Variants in AGBL4 observed in about 807,000 individuals in gnomAD.
AGBL4 encodes the protein AGBL carboxypeptidase 4, also known as cytosolic carboxypeptidase 6.
A neutral mutation model predicts 66.4 loss-of-function variants in AGBL4; 58 were observed. The ratio of observed to expected loss-of-function variants is 0.87; its 90% CI spans 0.71 to 1.09. AGBL4 has a LOEUF of 1.09. Among genes scored for constraint, AGBL4 ranks in the 50% least tolerant of loss-of-function variants. The probability of loss-of-function intolerance (pLI) is 0.00; values close to 1 mark genes in which losing one functional copy is unlikely to be tolerated. For synonymous variants in AGBL4, 234 were observed against 222.9 expected (o/e 1.05, Z -0.44); for missense variants, 579 against 631.0 (o/e 0.92, Z 0.88).
chr1:48,525,042 A>G, the AGBL4 span, among the ~76,000 whole-genome samples: 1 of 152,066 alleles, frequency 6.6e-6, no homozygotes, highest in African/African-American at 2.4e-5. Context: ...TGGAGCAGGC[A>G]TCCTCAGTCT....
chr1:49,166,488 G>A (rs1443576296), intron 4 of AGBL4, among the ~76,000 whole-genome samples: 2 of 152,012 alleles, frequency 1.3e-5, no homozygotes, highest in African/African-American at 2.4e-5. Flanking sequence ...ATTTGTAACC[G>A]AGTCTCCCGG....
At chr1:48,528,162 CT>C (rs1478893002), downstream of AGBL4, among the ~76,000 whole-genome samples, 1 of 152,072 alleles carries the variant, frequency 6.6e-6, no homozygotes, top group African/African-American at 2.4e-5. Flanking sequence ...AGCGGTGGAG[CT>C]GAAATTAAAA....
chr1:49,757,233 G>A (rs1166060319), intron 2 of AGBL4, among the ~76,000 whole-genome samples: 1 of 152,050 alleles, frequency 6.6e-6, no homozygotes, highest in Non-Finnish European at 1.5e-5. Flanking sequence ...TATATTTTTT[G>A]AGGCTTCCCA....
At chr1:48,955,210 A>G (rs1194472008) in intron 5 of AGBL4, among the ~76,000 whole-genome samples, 1 of 152,200 alleles carries the variant, frequency 6.6e-6, no homozygotes, top group African/African-American at 2.4e-5. Context: ...GTCCTAGATG[A>G]AAAACGTCTG....
chr1:49,222,813 A>G (rs1461357728), intron 4 of AGBL4, among the ~76,000 whole-genome samples: 1 of 152,242 alleles, frequency 6.6e-6, no homozygotes, highest in Non-Finnish European at 1.5e-5. Flanking sequence ...CATTTAACAA[A>G]GTAACTCATT....
intron 3 of AGBL4, among the ~76,000 whole-genome samples, chr1:49,390,777 C>G (rs1427595635): frequency 1.3e-5 from 2 of 152,168 alleles, no homozygotes; most frequent in Non-Finnish European, 2.9e-5. Context: ...CCACTAGCAA[C>G]TACCTTGACA....
intron 6 of AGBL4, among the ~76,000 whole-genome samples, chr1:48,666,133 T>TA (rs1414662953): frequency 3.9e-5 from 6 of 152,224 alleles, no homozygotes; most frequent in African/African-American, 1.4e-4. Context: ...TAATCATCTT[T>TA]AGGCAAAATG....
chr1:49,033,946 G>C (rs964318016), intron 5 of AGBL4, among the ~76,000 whole-genome samples: 19 of 151,550 alleles, frequency 1.3e-4, no homozygotes, highest in African/African-American at 4.1e-4. Flanking sequence ...CAGGTAAAAG[G>C]CATCCTAGTC....
intron 11 of AGBL4, among the ~76,000 whole-genome samples, chr1:48,579,416 T>G (rs985491709): frequency 1.5e-4 from 23 of 151,350 alleles, no homozygotes; most frequent in African/African-American, 5.6e-4. Flanking sequence ...TTTTGTTGTA[T>G]TTTTAGTACA....
intron 6 of AGBL4, chr1:48,777,069 G>GA (rs1645138877): frequency 2.8e-6 from 1 of 356,842 alleles, no homozygotes; most frequent in Admixed American, 5.0e-5. Context: ...AGGGGCGGAT[G>GA]AGGGGGGTTT....
chr1:49,441,873 T>C (rs1366775847), intron 3 of AGBL4, among the ~76,000 whole-genome samples: 1 of 152,020 alleles, frequency 6.6e-6, no homozygotes, highest in African/African-American at 2.4e-5. Flanking sequence ...AATGGGCCAA[T>C]GAACAAAATG....
At position 48,676,400 on chromosome 1, in the gene AGBL4, C is replaced by T. The variant is rs187080178; in HGVS notation, c.635-13159G>A. 5.3e-5 allele frequency among the ~76,000 whole-genome samples: 8 copies of T among 152,354 alleles called. No individual in the cohort carries two copies. In the East Asian group the frequency reaches 1.5e-3, roughly 29 times the overall value. Reference sequence around the variant, plus strand: ...GCACAAGCGCAGTGACTGCGCTGCTCTCTGAGTGTGTGAGCCCAGGCAAGT... The same window carrying T: ...GCACAAGCGCAGTGACTGCGCTGCTTTCTGAGTGTGTGAGCCCAGGCAAGT... On this transcript the variant is annotated intron_variant, in intron 6 of 13. Transcript: ENST00000371839.
At chr1:49,877,848 G>C (rs1647068414) in intron 1 of AGBL4, among the ~76,000 whole-genome samples, 1 of 151,776 alleles carries the variant, frequency 6.6e-6, no homozygotes, top group African/African-American at 2.4e-5. Flanking sequence ...CCTGTTATTG[G>C]TCTATTCAGA....
intron 8 of AGBL4, among the ~76,000 whole-genome samples, chr1:48,642,518 C>T (rs758637037): frequency 2.2e-4 from 33 of 152,086 alleles, no homozygotes; most frequent in Admixed American, 1.8e-3. Context: ...CAGTGACCAA[C>T]TGGAAGGACC....
At chr1:49,282,963 C>T (rs921606437) in intron 3 of AGBL4, among the ~76,000 whole-genome samples, 2 of 152,252 alleles carry the variant, frequency 1.3e-5, no homozygotes, top group Admixed American at 6.5e-5. Flanking sequence ...CGCCATTGCC[C>T]AGGCTTGCTT....
rs534880047 is a variant in AGBL4 at position 49,845,189 on chromosome 1, G to A, written c.157+6207C>T. 337 of 1,441,524 alleles carry A rather than the reference G, an allele frequency of 2.3e-4. 1 individual carries two copies. The highest frequency in any genetic ancestry group is 1.2e-3 in the African/African-American group (88 of 71,500). 89.3% of individuals were successfully genotyped at this position (1,441,524 alleles called of 1,614,324 possible). On this transcript the variant is annotated intron_variant, in intron 2 of 13. Coordinates refer to ENST00000371839, the MANE Select transcript of AGBL4 (RefSeq NM_032785.4). ...TGTCACAAATGAGGAAAAGTCTTCC[G>A]AAACAGCTCGGCACTTACCAAACAC... is the stretch of plus-strand genomic sequence containing the variant.
intron 1 of AGBL4, among the ~76,000 whole-genome samples, chr1:50,018,221 C>T (rs1261048027): frequency 2.0e-5 from 3 of 151,954 alleles, no homozygotes; most frequent in African/African-American, 7.2e-5. Flanking sequence ...TTTTCCAAGT[C>T]TGTTTAGAGA....
chr1:49,511,455 T>G (rs1570915645), intron 3 of AGBL4, among the ~76,000 whole-genome samples: 1 of 74,202 alleles, frequency 1.3e-5, no homozygotes, highest in Admixed American at 2.2e-4. Context: ...GGGACTGTTG[T>G]GGGGTGGGGG....
At chr1:49,689,441 T>G (rs532748810) in intron 3 of AGBL4, among the ~76,000 whole-genome samples, 3 of 152,338 alleles carry the variant, frequency 2.0e-5, no homozygotes, top group African/African-American at 7.2e-5. Context: ...GTGTCTGCTT[T>G]TATGCCAGTA....
Sources: gnomAD v4.1 joint callset for allele counts (sites outside exome capture counted in the v4.1 genomes callset) on GRCh38, gnomAD v4.1.1 for gene constraint, MANE v1.5 for transcripts, NCBI Gene and HGNC (gene_info 2026-07-23, HGNC 2026-07-21) for gene names.